Variants in TENM4 observed in about 807,000 individuals in gnomAD.
TENM4 encodes teneurin-4.
Under a neutral mutation model 243.3 loss-of-function variants are expected in TENM4, and 82 were observed. That is an observed-to-expected ratio of 0.34 (90% CI 0.28 to 0.40). The LOEUF (loss-of-function observed/expected upper bound fraction) is 0.40, where lower values mean the gene tolerates loss of function less well. Among genes scored for constraint, TENM4 ranks in the 10% least tolerant of loss-of-function variants. The pLI, the probability that TENM4 is intolerant of heterozygous loss-of-function variation, is 1.00. For missense variants in TENM4, 3,138 were observed against 3,673.3 expected, an observed-to-expected ratio of 0.85 and a Z score of 3.77; for synonymous variants, 1,412 against 1,456.3, an observed-to-expected ratio of 0.97 and a Z score of 0.69.
At chr11:79,089,651 C>T (rs1316131859) in intron 4 of TENM4, among the ~76,000 whole-genome samples, 1 of 152,108 alleles carries the variant, frequency 6.6e-6, no homozygotes, top group Non-Finnish European at 1.5e-5. Context: ...ATCCTTGCTA[C>T]TTAATGTTTG....
chr11:79,175,583 G>A (rs536327327), intron 3 of TENM4, among the ~76,000 whole-genome samples: 15 of 152,262 alleles, frequency 9.9e-5, no homozygotes, highest in Admixed American at 7.2e-4. Context: ...TGAAAAAGAA[G>A]ATCACAAAAT....
At chr11:79,059,055 T>C (rs929050393) in intron 6 of TENM4, among the ~76,000 whole-genome samples, 2 of 152,208 alleles carry the variant, frequency 1.3e-5, no homozygotes, top group Non-Finnish European at 1.5e-5. Context: ...CACTGTGCTT[T>C]GGAGATGCTC....
At chr11:79,134,826 C>T (rs1862076359) in intron 4 of TENM4, among the ~76,000 whole-genome samples, 1 of 149,732 alleles carries the variant, frequency 6.7e-6, no homozygotes. Flanking sequence ...TCATCTCTCA[C>T]TTATACAAAA....
intron 1 of TENM4, among the ~76,000 whole-genome samples, chr11:79,311,288 G>A (rs929589407): frequency 2.0e-5 from 3 of 152,208 alleles, no homozygotes; most frequent in African/African-American, 7.2e-5. Context: ...TAACCTCTCT[G>A]ATCCTTGGTT....
intron 6 of TENM4, among the ~76,000 whole-genome samples, chr11:78,964,941 C>T (rs772442914): frequency 2.6e-5 from 4 of 152,076 alleles, no homozygotes; most frequent in Non-Finnish European, 4.4e-5. Flanking sequence ...GATCTTGGCT[C>T]ACTGCAACCT....
chr11:79,192,612 C>A (rs1405157895), intron 3 of TENM4, among the ~76,000 whole-genome samples: 4 of 152,048 alleles, frequency 2.6e-5, no homozygotes, highest in African/African-American at 4.8e-5. Flanking sequence ...ATCTCAAGTA[C>A]CCAGGGACAC....
intron 6 of TENM4, among the ~76,000 whole-genome samples, chr11:79,038,651 C>T (rs1469383766): frequency 3.3e-5 from 5 of 152,116 alleles, no homozygotes; most frequent in Non-Finnish European, 5.9e-5. Flanking sequence ...TTTTCTCTTC[C>T]GTTTCATTTC....
intron 6 of TENM4, among the ~76,000 whole-genome samples, chr11:78,922,859 G>A (rs946512267): frequency 1.1e-4 from 16 of 152,196 alleles, no homozygotes; most frequent in Non-Finnish European, 2.1e-4. Flanking sequence ...CGCCAAGGAA[G>A]GAGGTGAGAT....
intron 6 of TENM4, among the ~76,000 whole-genome samples, chr11:78,969,258 CA>C (rs1461719132): frequency 1.3e-5 from 2 of 151,868 alleles, no homozygotes; most frequent in Non-Finnish European, 2.9e-5. Context: ...TTGGTGATAT[CA>C]AAAAAAGGGG....
intron 12 of TENM4, 148 bp from the exon 13 acceptor site, chr11:78,814,543 ATGTT>A: frequency 1.5e-6 from 1 of 672,328 alleles, no homozygotes; most frequent in Non-Finnish European, 2.5e-6. Flanking sequence ...TTAAAATTCT[ATGTT>A]ATTTTTACTC....
intron 22 of TENM4, 141 bp downstream of exon 22, chr11:78,729,235 G>T: frequency 1.1e-6 from 1 of 913,578 alleles, no homozygotes; most frequent in Non-Finnish European, 1.6e-6. Context: ...GTCCTGGCCA[G>T]TCACGGACAG....
chr11:79,132,361 A>AAAAAAAAG (rs1353670850), intron 4 of TENM4, among the ~76,000 whole-genome samples: 1 of 149,992 alleles, frequency 6.7e-6, no homozygotes. Context: ...AAAAAAAAAA[A>AAAAAAAAG]AGAGAAATGA....
At chr11:79,379,516 G>T (rs1857959289) in intron 1 of TENM4, among the ~76,000 whole-genome samples, 1 of 152,190 alleles carries the variant, frequency 6.6e-6, no homozygotes, top group Non-Finnish European at 1.5e-5. Flanking sequence ...TTGAGATGGA[G>T]AGACGGATGG....
chr11:78,746,354 G>A (rs989352722), intron 19 of TENM4, among the ~76,000 whole-genome samples: 5 of 152,320 alleles, frequency 3.3e-5, no homozygotes, highest in African/African-American at 7.2e-5. Context: ...TGTGCTTCCC[G>A]CAGAGCCCAG....
chr11:79,287,846 A>AAGT (rs138257432), intron 2 of TENM4, among the ~76,000 whole-genome samples: 11,526 of 152,238 alleles, frequency 0.076, 950 homozygotes, highest in African/African-American at 0.2. Flanking sequence ...CAGAGCTCAG[A>AAGT]AGTCACACTG....
chr11:78,991,359 A>G (rs1244287632), intron 6 of TENM4, among the ~76,000 whole-genome samples: 1 of 152,116 alleles, frequency 6.6e-6, no homozygotes, highest in Non-Finnish European at 1.5e-5. Flanking sequence ...AACATCTGAG[A>G]GGTAGGTTAC....
At chr11:78,960,429 C>T (rs926907928) in intron 6 of TENM4, among the ~76,000 whole-genome samples, 16 of 152,172 alleles carry the variant, frequency 1.1e-4, no homozygotes, top group African/African-American at 3.6e-4. Flanking sequence ...CCTTCATTGT[C>T]ATTTGGTGGG....
chr11:78,904,377 T>TAAAAAAAAAAAAAAAAAAAAAA (rs1333665292), intron 6 of TENM4, among the ~76,000 whole-genome samples: 13 of 100,180 alleles, frequency 1.3e-4, no homozygotes, highest in African/African-American at 6.1e-4. Context: ...AAAAAAAAAG[T>TAAAAAAAAAAAAAAAAAAAAAA]AAAACATAGA....
At position 78,797,455 on chromosome 11, in the gene TENM4, C is replaced by T. The variant is rs146748313; in HGVS notation, c.2179+7837G>A. Among the ~76,000 whole-genome samples, 686 of 152,174 alleles carry T rather than the reference C, an allele frequency of 4.5e-3. 3 individuals are homozygous for T. The highest frequency in any genetic ancestry group is 0.015 in the African/African-American group (631 of 41,490). ...CCAAATAGAAACTTCATTCTGAAGCCCAATTTCAGAAGGGCTTATATTTGC... is the reference window on the plus strand; with the variant it reads ...CCAAATAGAAACTTCATTCTGAAGCTCAATTTCAGAAGGGCTTATATTTGC... On this transcript the variant is annotated intron_variant, in intron 15 of 33. Transcript: ENST00000278550.
Sources: allele counts gnomAD v4.1 joint callset (sites outside exome capture counted in the v4.1 genomes callset), GRCh38; gene constraint gnomAD v4.1.1; transcripts MANE v1.5; gene names NCBI Gene and HGNC (gene_info 2026-07-23, HGNC 2026-07-21).